The following KTN1 variants were observed in gnomAD, a reference collection of about 807,000 sequenced individuals.
The protein encoded by KTN1 is kinectin.
In KTN1, 130 loss-of-function variants were observed where a neutral mutation model predicts 222.5. The observed-to-expected ratio is 0.58, with a 90% CI of 0.51 to 0.68. The LOEUF is 0.68. KTN1 is among the 30% of genes least tolerant of loss of function. The pLI, the probability that KTN1 is intolerant of heterozygous loss-of-function variation, is 0.00. For synonymous variants in KTN1, 512 were observed against 496.3 expected (o/e 1.03, Z -0.42); for missense variants, 1,508 against 1,500.4 (o/e 1.01, Z -0.08).
At chr14:55,597,014 G>A (rs1204016595) in intron 1 of KTN1, among the ~76,000 whole-genome samples, 1 of 151,792 alleles carries the variant, frequency 6.6e-6, no homozygotes, top group African/African-American at 2.4e-5. Flanking sequence ...CAGAGTACCA[G>A]TGAACACAAA....
intron 17 of KTN1, 113 bp downstream of exon 17, chr14:55,641,321 C>G (rs2041780943): frequency 3.1e-6 from 2 of 642,700 alleles, no homozygotes; most frequent in East Asian, 2.8e-5. Flanking sequence ...AACAGTGTTT[C>G]TGTAGTTTAT....
At chr14:55,646,898 A>T (rs1161851129) in intron 18 of KTN1, 75 bp from the exon 19 acceptor site, 4 of 940,196 alleles carry the variant, frequency 4.3e-6, no homozygotes, top group Non-Finnish European at 6.9e-6. Context: ...ATTTTCACAA[A>T]ATTACATTTC....
chr14:55,590,969 C>T (rs552300609), intron 1 of KTN1, among the ~76,000 whole-genome samples: 2 of 152,298 alleles, frequency 1.3e-5, no homozygotes, highest in South Asian at 2.1e-4. Context: ...CCACCATGCC[C>T]GGCCCAGGAT....
chr14:55,672,545 C>CT, intron 37 of KTN1, 85 bp from the exon 38 acceptor site: 1 of 798,822 alleles, frequency 1.3e-6, no homozygotes. Context: ...TTGGAAGTGT[C>CT]TTTTAATTGA....
chr14:55,677,934 G>A (rs2141388199), intron 41 of KTN1, among the ~76,000 whole-genome samples: 1 of 152,300 alleles, frequency 6.6e-6, no homozygotes, highest in South Asian at 2.1e-4. Context: ...CCGACCTCAG[G>A]TGATCCGCCC....
chr14:55,609,695 G>C (rs576209659), intron 1 of KTN1, among the ~76,000 whole-genome samples: 2 of 152,098 alleles, frequency 1.3e-5, no homozygotes, highest in African/African-American at 2.4e-5. Flanking sequence ...CAGGGCTGCA[G>C]CTTATTCATT....
At position 55,670,585 on chromosome 14, in the gene KTN1, C is replaced by T. The variant is rs1285046456; in HGVS notation, c.3268-144C>T. 4 of 559,600 alleles carry T rather than the reference C, an allele frequency of 7.1e-6. No homozygotes were observed. The East Asian group carries it at 9.1e-5, about 13-fold the overall frequency. The allele number at this position is 559,600 out of a possible 1,614,324, so 34.7% of individuals were successfully genotyped here. Reference sequence around the variant, plus strand: ...CAACTTATGCAGTAGTTACATTCCTCTTTGAAATTTGTAGCAATGTCCTGT... The same window carrying T: ...CAACTTATGCAGTAGTTACATTCCTTTTTGAAATTTGTAGCAATGTCCTGT... On this transcript the variant is annotated intron_variant, in intron 34 of 43. Coordinates refer to ENST00000395314, the MANE Select transcript of KTN1 (RefSeq NM_001079521.2).
Position 55,623,806 on chromosome 14 carries a change from G to C in KTN1, c.964-4106G>C, listed in dbSNP as rs565925319. 2.6e-5 allele frequency among the ~76,000 whole-genome samples: 4 copies of C among 152,344 alleles called. No homozygotes were observed. The South Asian group carries it at 8.3e-4, about 32-fold the overall frequency. On this transcript the variant is annotated intron_variant, in intron 5 of 43. Transcript: ENST00000395314. ...GGAAGAACCTTGCTGAAGTTACTAT[G>C]TTACTATATTGCTGTTTAGAGTTAA...
chr14:55,644,199 G>T, intron 18 of KTN1: 5 of 433,146 alleles, frequency 1.2e-5, no homozygotes, highest in Non-Finnish European at 1.7e-5. Flanking sequence ...TGAAAGAAGA[G>T]AAAAGATTGG....
intron 6 of KTN1, among the ~76,000 whole-genome samples, 167 bp from the exon 7 acceptor site, chr14:55,629,790 A>C (rs933007098): frequency 6.6e-6 from 1 of 152,236 alleles, no homozygotes; most frequent in Admixed American, 6.5e-5. Flanking sequence ...GAGATGCAGA[A>C]GACTGTTTTT....
chr14:55,670,402 T>G (rs2045335932), intron 34 of KTN1, among the ~76,000 whole-genome samples: 2 of 152,086 alleles, frequency 1.3e-5, no homozygotes, highest in Non-Finnish European at 1.5e-5. Context: ...TTTGTCCTGG[T>G]GCTAGTAAGT....
chr14:55,607,727 A>G (rs560790808), intron 1 of KTN1, among the ~76,000 whole-genome samples: 20 of 152,308 alleles, frequency 1.3e-4, no homozygotes, highest in African/African-American at 3.8e-4. Context: ...GGTAACTAAT[A>G]TTAGAAAGGG....
At chr14:55,628,742 G>T (rs1056253102) in intron 6 of KTN1, among the ~76,000 whole-genome samples, 13 of 152,110 alleles carry the variant, frequency 8.5e-5, no homozygotes, top group African/African-American at 2.7e-4. Context: ...AATGGAAAAA[G>T]TTGGCAAGAT....
intron 2 of KTN1, among the ~76,000 whole-genome samples, chr14:55,616,137 C>T (rs749923105): frequency 3.1e-4 from 47 of 151,894 alleles, no homozygotes; most frequent in Non-Finnish European, 5.6e-4. Context: ...CACCACTTTG[C>T]CCAGGTTGGT....
chr14:55,631,002 A>G (rs932638904), intron 7 of KTN1, among the ~76,000 whole-genome samples: 9 of 151,812 alleles, frequency 5.9e-5, no homozygotes, highest in Non-Finnish European at 7.4e-5. Context: ...GTTGCTTCCT[A>G]CCCTTTCACC....
chr14:55,671,710 TC>T (rs1354842579), intron 36 of KTN1, 55 bp downstream of exon 36: 43 of 1,529,812 alleles, frequency 2.8e-5, no homozygotes, highest in Non-Finnish European at 3.3e-5. Flanking sequence ...ATTACCTTCT[TC>T]CTTCATGGCC....
chr14:55,660,340 G>GA (rs774607538), intron 31 of KTN1, among the ~76,000 whole-genome samples: 121 of 132,432 alleles, frequency 9.1e-4, no homozygotes, highest in African/African-American at 2.4e-3. Context: ...CTGGCACCAA[G>GA]AAAAAAAAAA....
intron 2 of KTN1, among the ~76,000 whole-genome samples, chr14:55,614,379 A>C (rs34118806): frequency 0.29 from 43,810 of 151,992 alleles, 6,365 homozygotes; most frequent in East Asian, 0.38. Context: ...AGAAGAAACA[A>C]AGTTGAGAAG....
chr14:55,643,176 C>CT (rs2141020932), intron 18 of KTN1, among the ~76,000 whole-genome samples: 1 of 152,246 alleles, frequency 6.6e-6, no homozygotes, highest in South Asian at 2.1e-4. Flanking sequence ...TCCCAAAGTG[C>CT]TGGGATTACA....
Sources: allele counts gnomAD v4.1 joint callset (sites outside exome capture counted in the v4.1 genomes callset), GRCh38; gene constraint gnomAD v4.1.1; transcripts MANE v1.5; gene names NCBI Gene and HGNC (gene_info 2026-07-23, HGNC 2026-07-21).